Variants in NXPE2 observed in about 807,000 individuals in gnomAD.
NXPE2 encodes the protein neurexophilin and PC-esterase domain family member 2, also known as NXPE family member 2.
Under a neutral mutation model 34.4 loss-of-function variants are expected in NXPE2, and 34 were observed. The observed-to-expected ratio is 0.99, with a 90% CI of 0.75 to 1.31. The LOEUF (loss-of-function observed/expected upper bound fraction) is 1.31. Ranked by LOEUF, NXPE2 falls within the 40% of genes most tolerant of loss-of-function variation. NXPE2 has a pLI of 0.00. For missense variants in NXPE2, 649 were observed against 672.5 expected (o/e 0.97, Z 0.39); for synonymous variants, 235 against 231.3 (o/e 1.02, Z -0.15).
chr11:114,654,712 A>G, the NXPE2 span, among the ~76,000 whole-genome samples: 7 of 152,042 alleles, frequency 4.6e-5, no homozygotes, highest in Admixed American at 1.3e-4. Flanking sequence ...TCTTTATCCA[A>G]TCTATCACTG....
At chr11:114,632,888 TATA>T in the NXPE2 span, among the ~76,000 whole-genome samples, 311 of 83,790 alleles carry the variant, frequency 3.7e-3, 5 homozygotes, top group African/African-American at 0.015. Context: ...TTATATATTA[TATA>T]ATTTTATGTA....
At chr11:114,664,874 G>T in the NXPE2 span, among the ~76,000 whole-genome samples, 2 of 152,242 alleles carry the variant, frequency 1.3e-5, no homozygotes, top group Non-Finnish European at 2.9e-5. Flanking sequence ...TGTACTACTG[G>T]ATTGTCAGAT....
the NXPE2 span, among the ~76,000 whole-genome samples, chr11:114,728,846 G>A: frequency 6.6e-6 from 1 of 152,032 alleles, no homozygotes; most frequent in Non-Finnish European, 1.5e-5. Context: ...AGATCAATGA[G>A]ATACAATAAA....
the NXPE2 span, chr11:114,582,590 A>G: frequency 1.9e-6 from 3 of 1,614,188 alleles, no homozygotes; most frequent in Non-Finnish European, 1.7e-6. Flanking sequence ...GCAGAGACAG[A>G]GAGACCTGGC....
the NXPE2 span, among the ~76,000 whole-genome samples, chr11:114,794,272 C>T: frequency 6.6e-6 from 1 of 152,076 alleles, no homozygotes; most frequent in Non-Finnish European, 1.5e-5. Context: ...ACCATATTCT[C>T]TTTCACTTCT....
chr11:114,759,104 ACACT>A, the NXPE2 span, among the ~76,000 whole-genome samples: 84 of 152,212 alleles, frequency 5.5e-4, no homozygotes, highest in Admixed American at 5.5e-3. Context: ...GCACACACAC[ACACT>A]CTCTCTCTGT....
At chr11:114,691,869 G>C (rs1036329893) in intron 2 of NXPE2, among the ~76,000 whole-genome samples, 2 of 152,186 alleles carry the variant, frequency 1.3e-5, no homozygotes, top group Non-Finnish European at 2.9e-5. Flanking sequence ...AGCTGATGGG[G>C]CACTGTTCCC....
the NXPE2 span, among the ~76,000 whole-genome samples, chr11:114,557,634 C>CATATATATATATATAT: frequency 3.1e-5 from 4 of 128,454 alleles, no homozygotes; most frequent in Non-Finnish European, 4.9e-5. Context: ...ATATATAATA[C>CATATATATATATATAT]ATATATATAT....
At chr11:114,631,899 G>C in the NXPE2 span, among the ~76,000 whole-genome samples, 1 of 151,350 alleles carries the variant, frequency 6.6e-6, no homozygotes, top group South Asian at 2.1e-4. Flanking sequence ...AATAAGTATT[G>C]CCTCGTGGGT....
the NXPE2 span, among the ~76,000 whole-genome samples, chr11:114,755,941 C>T: frequency 6.6e-6 from 1 of 152,170 alleles, no homozygotes; most frequent in Non-Finnish European, 1.5e-5. Flanking sequence ...CTCCATTCTC[C>T]ACTCCCCACT....
the NXPE2 span, among the ~76,000 whole-genome samples, chr11:114,534,993 G>A: frequency 6.6e-6 from 1 of 152,148 alleles, no homozygotes; most frequent in Non-Finnish European, 1.5e-5. Context: ...ATTCACCAAA[G>A]TTTAAATGAA....
At chr11:114,770,151 T>C in the NXPE2 span, among the ~76,000 whole-genome samples, 3 of 152,220 alleles carry the variant, frequency 2.0e-5, no homozygotes, top group Admixed American at 6.5e-5. Flanking sequence ...AAGTAGAAGA[T>C]GTAGACAGTG....
chr11:114,494,345 T>A, the NXPE2 span, among the ~76,000 whole-genome samples: 2 of 152,220 alleles, frequency 1.3e-5, no homozygotes, highest in Admixed American at 6.5e-5. Flanking sequence ...AGATTTGCTC[T>A]TTTGAGACTC....
chr11:114,476,831 A>T, the NXPE2 span, among the ~76,000 whole-genome samples: 3 of 152,188 alleles, frequency 2.0e-5, no homozygotes, highest in African/African-American at 7.2e-5. Flanking sequence ...AAGCTAAACC[A>T]TATCAATAGT....
chr11:114,631,714 G>A, the NXPE2 span, among the ~76,000 whole-genome samples: 14 of 151,450 alleles, frequency 9.2e-5, no homozygotes, highest in Non-Finnish European at 1.5e-4. Flanking sequence ...ACTGTTACCC[G>A]GTGGGTAATA....
At chr11:114,491,232 C>T in the NXPE2 span, among the ~76,000 whole-genome samples, 1 of 150,300 alleles carries the variant, frequency 6.7e-6, no homozygotes, top group Non-Finnish European at 1.5e-5. Flanking sequence ...AGGCAACCTA[C>T]AGAATGGGAG....
chr11:114,734,755 A>C, the NXPE2 span, among the ~76,000 whole-genome samples: 1 of 152,212 alleles, frequency 6.6e-6, no homozygotes, highest in Non-Finnish European at 1.5e-5. Flanking sequence ...AAGGAAAAGT[A>C]AGTACATGTT....
At chr11:114,545,154 A>C in the NXPE2 span, among the ~76,000 whole-genome samples, 3 of 152,224 alleles carry the variant, frequency 2.0e-5, no homozygotes, top group Non-Finnish European at 4.4e-5. Flanking sequence ...AGACACTTTG[A>C]TAATATCTTA....
chr11:114,549,278 A>G, the NXPE2 span, among the ~76,000 whole-genome samples: 1 of 152,066 alleles, frequency 6.6e-6, no homozygotes, highest in African/African-American at 2.4e-5. Flanking sequence ...TTACGAAATA[A>G]GTATAATGTA....
Sources: allele counts gnomAD v4.1 joint callset (sites outside exome capture counted in the v4.1 genomes callset), GRCh38; gene constraint gnomAD v4.1.1; transcripts MANE v1.5; gene names NCBI Gene and HGNC (gene_info 2026-07-23, HGNC 2026-07-21).